MGAT5: variants seen among roughly 807,000 people sequenced by gnomAD.
MGAT5 encodes alpha-1,6-mannosylglycoprotein 6-beta-N-acetylglucosaminyltransferase.
MGAT5 carries 30 observed loss-of-function variants against 94.3 expected under a neutral mutation model. The ratio of observed to expected loss-of-function variants is 0.32; its 90% CI spans 0.24 to 0.43. The LOEUF (loss-of-function observed/expected upper bound fraction) is 0.43. MGAT5 is among the 20% of genes least tolerant of loss of function. The probability of loss-of-function intolerance (pLI) is 1.00; values close to 1 mark genes in which losing one functional copy is unlikely to be tolerated. For missense variants in MGAT5, 691 were observed against 905.5 expected, an observed-to-expected ratio of 0.76 and a Z score of 3.04; for synonymous variants, 310 against 322.9, an observed-to-expected ratio of 0.96 and a Z score of 0.43.
intron 1 of MGAT5, among the ~76,000 whole-genome samples, chr2:134,226,322 C>T (rs1186428240): frequency 6.6e-6 from 1 of 152,134 alleles, no homozygotes; most frequent in Non-Finnish European, 1.5e-5. Flanking sequence ...AAGAGAGATG[C>T]AATAACCATA....
At chr2:134,412,773 G>A in intron 11 of MGAT5, 96 bp from the exon 12 acceptor site, 10 of 1,486,420 alleles carry the variant, frequency 6.7e-6, no homozygotes, top group Non-Finnish European at 9.2e-6. Flanking sequence ...ACACGGGAAT[G>A]GGCCACAGAA....
rs148853109 is a variant in MGAT5 at position 134,290,660 on chromosome 2, G to A, written c.406+20110G>A. 8.7e-4 allele frequency among the ~76,000 whole-genome samples: 133 copies of A among 152,364 alleles called. 1 individual carries two copies. The Middle Eastern group carries it at 0.014, about 16-fold the overall frequency. On this transcript the variant is annotated intron_variant, in intron 2 of 15. Coordinates refer to ENST00000281923, the MANE Select transcript of MGAT5 (RefSeq NM_002410.5). ...CTCCCCCTGAAAACAGCACTGGCAGGATGGCCATGCACAGTTGATTGCTGT... is the reference window on the plus strand; with the variant it reads ...CTCCCCCTGAAAACAGCACTGGCAGAATGGCCATGCACAGTTGATTGCTGT...
intron 1 of MGAT5, among the ~76,000 whole-genome samples, chr2:134,134,859 A>G (rs1291399344): frequency 1.3e-5 from 2 of 152,226 alleles, no homozygotes. Flanking sequence ...CTGAACCTAG[A>G]CCTAACTTAG....
At chr2:134,207,882 T>C (rs1464136497) in intron 1 of MGAT5, among the ~76,000 whole-genome samples, 1 of 152,216 alleles carries the variant, frequency 6.6e-6, no homozygotes. Context: ...GGGATTAGCA[T>C]TGACTCTGAT....
Position 134,452,560 on chromosome 2 carries a change from G to A in MGAT5, c.*3713G>A, listed in dbSNP as rs1686160733. On this transcript the variant is annotated 3_prime_UTR_variant, in exon 16 of 16. Transcript: ENST00000281923. ...ATGATGTGTTGGACTGAAACTGTATGTCTGTAGGTAGGTGTGTGCCTTTTA... is the reference window on the plus strand; with the variant it reads ...ATGATGTGTTGGACTGAAACTGTATATCTGTAGGTAGGTGTGTGCCTTTTA... 6.6e-6 allele frequency: 1 copy of A among 152,122 alleles called. No individual in the cohort carries two copies. The highest frequency in any genetic ancestry group is 1.5e-5 in the Non-Finnish European group (1 of 68,010). 9.4% of individuals were successfully genotyped at this position (152,122 alleles called of 1,614,324 possible).
intron 14 of MGAT5, among the ~76,000 whole-genome samples, chr2:134,437,058 G>A (rs1467471579): frequency 2.0e-5 from 3 of 152,214 alleles, no homozygotes; most frequent in South Asian, 2.1e-4. Flanking sequence ...GCGCCATCTC[G>A]GCTCACGGCA....
chr2:134,410,587 G>T (rs1322941412), intron 11 of MGAT5, among the ~76,000 whole-genome samples: 2 of 152,136 alleles, frequency 1.3e-5, no homozygotes, highest in African/African-American at 4.8e-5. Context: ...TCATATTGTT[G>T]TTCAGATATA....
intron 2 of MGAT5, among the ~76,000 whole-genome samples, chr2:134,290,809 T>A (rs1184756812): frequency 6.6e-6 from 1 of 151,862 alleles, no homozygotes; most frequent in Non-Finnish European, 1.5e-5. Flanking sequence ...AGTTGTGGTT[T>A]AAAAAAAATT....
At chr2:134,342,837 G>A (rs1688713836) in intron 7 of MGAT5, among the ~76,000 whole-genome samples, 1 of 152,070 alleles carries the variant, frequency 6.6e-6, no homozygotes, top group African/African-American at 2.4e-5. Context: ...TACAGAGATG[G>A]CCAGCTTGTG....
chr2:134,359,964 G>A (rs1417131525), intron 9 of MGAT5, among the ~76,000 whole-genome samples: 2 of 152,162 alleles, frequency 1.3e-5, no homozygotes, highest in Non-Finnish European at 2.9e-5. Context: ...TGTGGTCAAG[G>A]TTTAGTGTCC....
chr2:134,272,292 T>C (rs1054784807), intron 2 of MGAT5, among the ~76,000 whole-genome samples: 1 of 152,208 alleles, frequency 6.6e-6, no homozygotes, highest in African/African-American at 2.4e-5. Flanking sequence ...AGCCAATGGC[T>C]CTGAGCGGGA....
chr2:134,349,928 T>C lies in MGAT5; in HGVS notation c.1236T>C (p.Tyr412=). Residue 412 remains tyrosine (Y), a synonymous_variant, in exon 9 of 16, where the codon TAT becomes TAC. Transcript: ENST00000281923. ...GKWNLNPQQF[Y]TMFPHTPDNS... ...GGAATCTGAACCCTCAGCAGTTTTA[T>C]ACCATGTTCCGTGAGTATTCCTGTT... The C allele has an allele frequency of 6.2e-7, 1 of 1,613,424 alleles. No homozygotes were observed. Among genetic ancestry groups the C allele is most frequent in the Non-Finnish European group, 8.5e-7 (1 of 1,179,546 alleles).
intron 9 of MGAT5, among the ~76,000 whole-genome samples, chr2:134,351,011 T>G (rs1679348746): frequency 6.6e-6 from 1 of 152,120 alleles, no homozygotes; most frequent in Non-Finnish European, 1.5e-5. Context: ...ACTCACTAAA[T>G]GTAACAGCAC....
Position 134,134,736 on chromosome 2 carries a change from A to T in MGAT5, c.-143+14445A>T, listed in dbSNP as rs1686330393. 2.0e-5 allele frequency among the ~76,000 whole-genome samples: 3 copies of T among 152,188 alleles called. No individual in the cohort carries two copies. In the South Asian group the frequency reaches 6.2e-4, roughly 32 times the overall value. On this transcript the variant is annotated intron_variant, in intron 1 of 16. Transcript: ENST00000409645. ...TGATTGTCAGTGATTGAGGAGAGCT[A>T]CTAGCATTTATTGGTTGGGGACCAG...
intron 10 of MGAT5, among the ~76,000 whole-genome samples, chr2:134,388,615 G>A (rs1573990530): frequency 6.6e-6 from 1 of 152,214 alleles, no homozygotes; most frequent in East Asian, 1.9e-4. Flanking sequence ...CCTTTAACAG[G>A]AGCTTATTTG....
chr2:134,159,039 G>A (rs1029420560), intron 1 of MGAT5, among the ~76,000 whole-genome samples: 2 of 152,146 alleles, frequency 1.3e-5, no homozygotes, highest in African/African-American at 4.8e-5. Context: ...GTTTTACATG[G>A]TGATATTTTG....
chr2:134,194,549 T>C (rs1398378888), intron 1 of MGAT5, among the ~76,000 whole-genome samples: 7 of 151,902 alleles, frequency 4.6e-5, no homozygotes. Context: ...TCAGTAATAA[T>C]AAGTGTTCGA....
At chr2:134,252,752 A>G (rs1228194562), upstream of MGAT5, among the ~76,000 whole-genome samples, 1 of 152,054 alleles carries the variant, frequency 6.6e-6, no homozygotes, top group Non-Finnish European at 1.5e-5. Flanking sequence ...CATATTTTTT[A>G]TTGCTTTTCA....
At chr2:134,448,413 G>T (rs3791331) in intron 15 of MGAT5, among the ~76,000 whole-genome samples, 3,701 of 152,250 alleles carry the variant, frequency 0.024, 85 homozygotes, top group Middle Eastern at 0.14. Flanking sequence ...GCTTCACTAG[G>T]CAGCCTCAAA....
Sources: gnomAD v4.1 joint callset for allele counts (sites outside exome capture counted in the v4.1 genomes callset) on GRCh38, gnomAD v4.1.1 for gene constraint, MANE v1.5 for transcripts, NCBI Gene and HGNC (gene_info 2026-07-23, HGNC 2026-07-21) for gene names.